The following ME1 variants were observed in gnomAD, a reference collection of about 807,000 sequenced individuals.
The protein encoded by ME1 is NADP-dependent malic enzyme.
Under a neutral mutation model 66.4 loss-of-function variants are expected in ME1, and 74 were observed. The observed-to-expected ratio is 1.11, with a 90% CI of 0.92 to 1.35. The LOEUF (loss-of-function observed/expected upper bound fraction) is 1.35. Among genes scored for constraint, ME1 ranks in the 40% most tolerant of loss-of-function variants. The pLI, the probability that ME1 is intolerant of heterozygous loss-of-function variation, is 0.00. For missense variants in ME1, 750 were observed against 694.1 expected (o/e 1.08, Z -0.90); for synonymous variants, 251 against 235.6 (o/e 1.07, Z -0.60).
intron 7 of ME1, among the ~76,000 whole-genome samples, chr6:83,250,178 G>GTT (rs3032823): frequency 0.089 from 13,292 of 149,744 alleles, 807 homozygotes; most frequent in East Asian, 0.16. Flanking sequence ...TTTCAGATCT[G>GTT]TTTTTTTTTA....
In ME1 at chr6:83,413,633, TCATATTTTCAATTTATTAA is replaced by T. The variant is rs151283231; in HGVS notation, c.79-5751_79-5733del. On this transcript the variant is annotated intron_variant, in intron 1 of 13. Transcript: ENST00000369705. Reference sequence around the variant, plus strand: ...GATAAAATTGAGCTTGTTTTAAGTGTCATATTTTCAATTTATTAACATAGTTTATGTGCATATTTTACAT... The same window carrying T: ...GATAAAATTGAGCTTGTTTTAAGTGTCATAGTTTATGTGCATATTTTACAT... Among the ~76,000 whole-genome samples, 794 of 152,206 alleles carry T rather than the reference TCATATTTTCAATTTATTAA, an allele frequency of 5.2e-3. 10 individuals are homozygous for T. The highest frequency in any genetic ancestry group is 0.018 in the African/African-American group (742 of 41,518).
chr6:83,307,506 T>G (rs2128537808), intron 6 of ME1, among the ~76,000 whole-genome samples: 1 of 152,274 alleles, frequency 6.6e-6, no homozygotes, highest in Non-Finnish European at 1.5e-5. Context: ...TATGCTTTCA[T>G]TAAATTTCTT....
Position 83,239,551 on chromosome 6 carries a change from T to C in ME1, c.900A>G (p.Gln300=). ...NKLSDQTILF[Q]GAGEAALGIA... ...ACAAGGCAAATACCTCTCCAGCTCC[T>C]TGGAATAGTATTGTTTGATCAGACA... Residue 300 remains glutamine, a synonymous_variant, in exon 8 of 14, where the codon CAA becomes CAG. Coordinates refer to ENST00000369705, the MANE Select transcript of ME1 (RefSeq NM_002395.6). 1 of 1,611,896 alleles carries C rather than the reference T, an allele frequency of 6.2e-7. No individual in the cohort carries two copies. Among genetic ancestry groups the C allele is most frequent in the Non-Finnish European group, 8.5e-7 (1 of 1,178,226 alleles).
intron 6 of ME1, among the ~76,000 whole-genome samples, chr6:83,306,002 A>G (rs1426351068): frequency 4.6e-5 from 7 of 152,176 alleles, no homozygotes. Context: ...ACCTTTGTCT[A>G]TAAACACACG....
chr6:83,279,509 G>A (rs1465138310), intron 6 of ME1, among the ~76,000 whole-genome samples: 1 of 152,146 alleles, frequency 6.6e-6, no homozygotes, highest in Non-Finnish European at 1.5e-5. Flanking sequence ...GACTGGCTTT[G>A]ATGGGCTCAT....
chr6:83,355,605 G>A (rs573783166), intron 3 of ME1, among the ~76,000 whole-genome samples: 8 of 152,116 alleles, frequency 5.3e-5, no homozygotes, highest in Admixed American at 1.3e-4. Context: ...GACCGGTAAC[G>A]TCCCACCAAA....
chr6:83,349,298 A>G (rs997792708), intron 4 of ME1, among the ~76,000 whole-genome samples: 1 of 152,186 alleles, frequency 6.6e-6, no homozygotes, highest in Non-Finnish European at 1.5e-5. Context: ...GTTTATCACT[A>G]AATTAATATT....
chr6:83,306,145 T>A (rs532864763), intron 6 of ME1, among the ~76,000 whole-genome samples: 1 of 152,182 alleles, frequency 6.6e-6, no homozygotes, highest in East Asian at 1.9e-4. Flanking sequence ...TTGAATCTTC[T>A]TTTTTTATGT....
chr6:83,291,956 C>T (rs1317876356), intron 6 of ME1, among the ~76,000 whole-genome samples: 1 of 151,946 alleles, frequency 6.6e-6, no homozygotes, highest in Non-Finnish European at 1.5e-5. Flanking sequence ...TTGTAGTGTG[C>T]TTTCCAGCTC....
intron 6 of ME1, among the ~76,000 whole-genome samples, chr6:83,299,392 T>G (rs571013826): frequency 6.6e-6 from 1 of 152,150 alleles, no homozygotes; most frequent in East Asian, 1.9e-4. Context: ...TCATTCATGA[T>G]TTGGCATTCG....
At chr6:83,347,206 C>G (rs1468727814) in intron 4 of ME1, among the ~76,000 whole-genome samples, 1 of 152,216 alleles carries the variant, frequency 6.6e-6, no homozygotes, top group Non-Finnish European at 1.5e-5. Context: ...CCCGTCTCAG[C>G]CTTCCAAAGT....
intron 1 of ME1, among the ~76,000 whole-genome samples, chr6:83,430,511 G>A (rs1017578589): frequency 5.9e-5 from 9 of 152,234 alleles, no homozygotes; most frequent in African/African-American, 2.2e-4. Context: ...GTCTGACCTG[G>A]CACTCCATTC....
chr6:83,381,317 G>C (rs761710004), intron 3 of ME1, among the ~76,000 whole-genome samples: 4 of 152,070 alleles, frequency 2.6e-5, no homozygotes, highest in Non-Finnish European at 5.9e-5. Context: ...TTTGTACAGT[G>C]AGTAAAGGAC....
intron 1 of ME1, among the ~76,000 whole-genome samples, chr6:83,412,837 G>C (rs1175306438): frequency 6.6e-6 from 1 of 152,140 alleles, no homozygotes; most frequent in Non-Finnish European, 1.5e-5. Context: ...GGAAAAAAGG[G>C]TTTGACTTCA....
intron 9 of ME1, among the ~76,000 whole-genome samples, chr6:83,230,250 C>T (rs546863330): frequency 1.3e-4 from 19 of 151,954 alleles, no homozygotes; most frequent in Non-Finnish European, 2.4e-4. Context: ...GATCTCGGCT[C>T]ACCGCAACCT....
intron 3 of ME1, among the ~76,000 whole-genome samples, chr6:83,376,666 G>C (rs1769297082): frequency 6.6e-6 from 1 of 151,202 alleles, no homozygotes; most frequent in African/African-American, 2.4e-5. Flanking sequence ...AGCTGGGTGT[G>C]GTGGCGGACG....
intron 6 of ME1, among the ~76,000 whole-genome samples, chr6:83,256,920 T>G (rs2128528780): frequency 6.6e-6 from 1 of 151,992 alleles, no homozygotes; most frequent in Admixed American, 6.6e-5. Flanking sequence ...AAACCATCAT[T>G]CTCAGCAAAC....
Position 83,240,983 on chromosome 6 carries a change from T to C in ME1, c.815-1347A>G, listed in dbSNP as rs148030659. Among the ~76,000 whole-genome samples the C allele has an allele frequency of 1.7e-4, 26 of 152,228 alleles. No individual in the cohort carries two copies. The East Asian group carries it at 4.8e-3, about 28-fold the overall frequency. ...TCACTATTGCAATAATTATGAACTG[T>C]GCTAAGTCATATATTATGAAAAAGC... On this transcript the variant is annotated intron_variant, in intron 7 of 13. Coordinates refer to ENST00000369705, the MANE Select transcript of ME1 (RefSeq NM_002395.6).
At chr6:83,413,622 T>A (rs1283102760) in intron 1 of ME1, among the ~76,000 whole-genome samples, 1 of 152,052 alleles carries the variant, frequency 6.6e-6, no homozygotes, top group East Asian at 1.9e-4. Flanking sequence ...AAATTGAGCT[T>A]GTTTTAAGTG....
Sources: allele counts gnomAD v4.1 joint callset (sites outside exome capture counted in the v4.1 genomes callset), GRCh38; gene constraint gnomAD v4.1.1; transcripts MANE v1.5; gene names NCBI Gene and HGNC (gene_info 2026-07-23, HGNC 2026-07-21).